The following KIAA1614 variants were observed in gnomAD, a reference collection of about 807,000 sequenced individuals.
KIAA1614 encodes KIAA1614, also known as uncharacterized protein KIAA1614.
In KIAA1614, 76 loss-of-function variants were observed where a neutral mutation model predicts 88.7. That is an observed-to-expected ratio of 0.86 (90% CI 0.71 to 1.04). The LOEUF is 1.04. Among genes scored for constraint, KIAA1614 ranks in the 50% least tolerant of loss-of-function variants. KIAA1614 has a pLI of 0.00. For missense variants in KIAA1614, 1,553 were observed against 1,582.5 expected, an observed-to-expected ratio of 0.98 and a Z score of 0.32; for synonymous variants, 714 against 675.5, an observed-to-expected ratio of 1.06 and a Z score of -0.88.
At chr1:180,917,688 G>C (rs1196508220) in intron 2 of KIAA1614, among the ~76,000 whole-genome samples, 163 bp from the exon 3 acceptor site, 6 of 152,174 alleles carry the variant, frequency 3.9e-5, no homozygotes, top group Admixed American at 2.0e-4. Context: ...GCCCACAGCA[G>C]TCATCGTGAC....
intron 5 of KIAA1614, among the ~76,000 whole-genome samples, chr1:180,938,010 G>A (rs1654370927): frequency 6.6e-6 from 1 of 152,214 alleles, no homozygotes; most frequent in African/African-American, 2.4e-5. Context: ...TCCATAAAGT[G>A]AGGACGATGA....
chr1:180,918,092 C>T (rs1021710854), intron 3 of KIAA1614, among the ~76,000 whole-genome samples, 178 bp downstream of exon 3: 44 of 152,186 alleles, frequency 2.9e-4, no homozygotes, highest in African/African-American at 9.2e-4. Context: ...TAACCCCCAC[C>T]GCCACATCCC....
At chr1:180,943,550 C>CTTTTTTTTTTTTTTTTTTTTTTTT (rs60128001) in intron 7 of KIAA1614, among the ~76,000 whole-genome samples, 5 of 98,218 alleles carry the variant, frequency 5.1e-5, no homozygotes, top group African/African-American at 2.1e-4. Context: ...GGTAGTAGAT[C>CTTTTTTTTTTTTTTTTTTTTTTTT]TTTTTTTTTT....
intron 7 of KIAA1614, among the ~76,000 whole-genome samples, chr1:180,941,960 C>T (rs542311962): frequency 1.0e-3 from 157 of 152,318 alleles, no homozygotes; most frequent in African/African-American, 3.6e-3. Context: ...CCCACCTTCC[C>T]CACCTGCAAA....
intron 3 of KIAA1614, among the ~76,000 whole-genome samples, chr1:180,922,903 C>T (rs1225596521): frequency 6.6e-6 from 1 of 152,330 alleles, no homozygotes; most frequent in African/African-American, 2.4e-5. Context: ...TTGCAAGTCC[C>T]AGGTTGTGAC....
chr1:180,920,806 G>A (rs1653936849), intron 3 of KIAA1614, among the ~76,000 whole-genome samples: 1 of 152,106 alleles, frequency 6.6e-6, no homozygotes, highest in Non-Finnish European at 1.5e-5. Context: ...AAAGGCTAAG[G>A]GTCAGATGCG....
At position 180,916,250 on chromosome 1, in the gene KIAA1614, C is replaced by A; in HGVS notation, c.147C>A (p.Pro49=). 6.2e-7 allele frequency: 1 copy of A among 1,613,622 alleles called. No homozygotes were observed. The change falls in exon 2 of 9, where the codon CCC becomes CCA. Residue 49 remains proline, a synonymous_variant. Coordinates refer to ENST00000367588, the MANE Select transcript of KIAA1614 (RefSeq NM_020950.2). ...GPEPQLDNGH[P]PRPWPCPQEN... ...AGCCACAGCTGGATAACGGACACCC[C>A]CCAAGACCCTGGCCTTGCCCTCAGG...
At chr1:180,919,699 C>G (rs531417776) in intron 3 of KIAA1614, among the ~76,000 whole-genome samples, 68 of 152,288 alleles carry the variant, frequency 4.5e-4, no homozygotes, top group African/African-American at 1.6e-3. Context: ...CCGTTGGATA[C>G]TAAGGAATAA....
At position 180,935,918 on chromosome 1, in the gene KIAA1614, G is replaced by C; in HGVS notation, c.2009G>C (p.Gly670Ala). ...AAGGCTGAGGCGGAGCTCCCTTGGG[G>C]CCTTCAGGCCCAGCAACACCTGCCT... ...SKKAEAELPW[G>A]LQAQQHLPRA... Residue 670 changes from glycine (G) to alanine (A), a missense_variant, in exon 5 of 9, where the codon GGC becomes GCC. Coordinates refer to ENST00000367588, the MANE Select transcript of KIAA1614 (RefSeq NM_020950.2). The surrounding 1 kb of genome is among the most constrained non-coding windows in gnomAD (Gnocchi z 6.1). 6.2e-7 allele frequency: 1 copy of C among 1,614,016 alleles called. No homozygotes were observed. The highest frequency in any genetic ancestry group is 1.6e-4 in the Middle Eastern group (1 of 6,062).
chr1:180,916,916 G>T lies in KIAA1614; in HGVS notation c.813G>T (p.Leu271=), dbSNP rs762331723. ...SEEVFVPRTA[L]LGERWRAGDL... Reference sequence around the variant, plus strand: ...AGGTCTTTGTCCCCAGGACGGCCCTGCTGGGTGAGCGCTGGAGAGCTGGAG... The same window carrying T: ...AGGTCTTTGTCCCCAGGACGGCCCTTCTGGGTGAGCGCTGGAGAGCTGGAG... Residue 271 remains leucine (L), a synonymous_variant, in exon 2 of 9, where the codon CTG becomes CTT. Transcript: ENST00000367588. 2 of 1,614,134 alleles carry T rather than the reference G, an allele frequency of 1.2e-6. No individual in the cohort carries two copies. Among genetic ancestry groups the T allele is most frequent in the Non-Finnish European group, 1.7e-6 (2 of 1,180,066 alleles).
At position 180,921,252 on chromosome 1, in the gene KIAA1614, TG is replaced by T; in HGVS notation, c.1061+3339del. Among the ~76,000 whole-genome samples, 3 of 152,258 alleles carry T rather than the reference TG, an allele frequency of 2.0e-5. No individual in the cohort carries two copies. The South Asian group carries it at 6.2e-4, about 32-fold the overall frequency. On this transcript the variant is annotated intron_variant, in intron 3 of 8. Coordinates refer to ENST00000367588, the MANE Select transcript of KIAA1614 (RefSeq NM_020950.2). ...ACAAGGTGCTCAGTGGAGGAGATTT[TG>T]AGCCAGAAGAAGGAATTTCACAAGG...
At position 180,936,684 on chromosome 1, in the gene KIAA1614, G is replaced by C; in HGVS notation, c.2761+14G>C. On this transcript the variant is annotated intron_variant, in intron 5 of 8. Coordinates refer to ENST00000367588, the MANE Select transcript of KIAA1614 (RefSeq NM_020950.2). Reference sequence around the variant, plus strand: ...ACAGCAGAGATGGTAAGGGGCTGCCGCTGGTTCCTGCCCAGCCCAGGCCTG... The same window carrying C: ...ACAGCAGAGATGGTAAGGGGCTGCCCCTGGTTCCTGCCCAGCCCAGGCCTG... 6.9e-7 allele frequency: 1 copy of C among 1,459,228 alleles called. No homozygotes were observed. Among genetic ancestry groups the C allele is most frequent in the Non-Finnish European group, 9.1e-7 (1 of 1,103,454 alleles). 90.4% of individuals were successfully genotyped at this position (1,459,228 alleles called of 1,614,324 possible).
rs773002083 is a variant in KIAA1614, at chr1:180,935,137, C to T, written c.1228C>T (p.Arg410Trp). 4.8e-6 allele frequency: 7 copies of T among 1,444,318 alleles called. No individual in the cohort carries two copies. In the Admixed American group the frequency reaches 1.7e-4, roughly 35 times the overall value. The allele number at this position is 1,444,318 out of a possible 1,614,324, so 89.5% of individuals were successfully genotyped here. ...CAGAGATGGCCACAGAAGCCCAGCCCGGGACCCCAGGACGACCCCTGCCTG... is the reference window on the plus strand; with the variant it reads ...CAGAGATGGCCACAGAAGCCCAGCCTGGGACCCCAGGACGACCCCTGCCTG... ...GSRDGHRSPARDPRTTPACRD... is the reference protein window; with the variant it reads ...GSRDGHRSPAWDPRTTPACRD... The change falls in exon 5 of 9, where the codon CGG becomes TGG. Residue 410 changes from arginine to tryptophan, a missense_variant. Arg to Trp is a moderately radical substitution (Grantham distance 101, BLOSUM62 -3). Coordinates refer to ENST00000367588, the MANE Select transcript of KIAA1614 (RefSeq NM_020950.2). This position sits in a 1 kb window ranked among gnomAD's most constrained non-coding sequence, Gnocchi z 6.1.
At position 180,935,487 on chromosome 1, in the gene KIAA1614, A is replaced by G; in HGVS notation, c.1578A>G (p.Ala526=). 6.7e-7 allele frequency: 1 copy of G among 1,485,396 alleles called. No homozygotes were observed. The allele number at this position is 1,485,396 out of a possible 1,614,324, so 92.0% of individuals were successfully genotyped here. A position where few individuals can be genotyped will look rare whatever the true frequency, so the allele number is the denominator to read the frequency against. The change falls in exon 5 of 9, where the codon GCA becomes GCG. Residue 526 remains alanine (A), a synonymous_variant. Transcript: ENST00000367588. The surrounding 1 kb of genome is among the most constrained non-coding windows in gnomAD (Gnocchi z 6.1). The part of the protein sequence containing the change: ...VGSLDRRGHP[A]PPAPGSERRC... The stretch of plus-strand genomic sequence containing the variant: ...GCCTGGACCGCAGGGGACACCCGGC[A>G]CCGCCGGCACCGGGCAGCGAGAGGA...
In KIAA1614 at chr1:180,946,961, T is replaced by C. The variant is rs978424741; in HGVS notation, c.*1373T>C. On this transcript the variant is annotated 3_prime_UTR_variant, in exon 9 of 9. Coordinates refer to ENST00000367588, the MANE Select transcript of KIAA1614 (RefSeq NM_020950.2). ...CTTGTTATGTATAATGTGCTACGTA[T>C]GTCAGATGGTGAAAAGAAAGTTCTG... The C allele has an allele frequency of 6.6e-6, 1 of 152,288 alleles. No individual in the cohort carries two copies. The highest frequency in any genetic ancestry group is 1.5e-5 in the Non-Finnish European group (1 of 68,070). The allele number at this position is 152,288 out of a possible 1,614,324, so 9.4% of individuals were successfully genotyped here. A position where few individuals can be genotyped will look rare whatever the true frequency, so the allele number is the denominator to read the frequency against.
chr1:180,932,529 C>T (rs376219692), intron 4 of KIAA1614, among the ~76,000 whole-genome samples: 14 of 152,104 alleles, frequency 9.2e-5, no homozygotes, highest in East Asian at 7.7e-4. Flanking sequence ...CCATATTGTG[C>T]GTCCTTGGCA....
chr1:180,950,407 C>A lies in KIAA1614; in HGVS notation c.*4819C>A. Reference sequence around the variant, plus strand: ...TGTACTCAGGGCTGCTGGGGGTGGGCGATGAGATCCTCGAGGTGAACGGGG... The same window carrying A: ...TGTACTCAGGGCTGCTGGGGGTGGGAGATGAGATCCTCGAGGTGAACGGGG... On this transcript the variant is annotated 3_prime_UTR_variant, in exon 9 of 9. Transcript: ENST00000367588. 1 of 1,228,222 alleles carries A rather than the reference C, an allele frequency of 8.1e-7. No homozygotes were observed. The highest frequency in any genetic ancestry group is 1.0e-6 in the Non-Finnish European group (1 of 957,408). The allele number at this position is 1,228,222 out of a possible 1,614,324, so 76.1% of individuals were successfully genotyped here.
chr1:180,925,093 A>G (rs1455606188), intron 3 of KIAA1614, among the ~76,000 whole-genome samples: 1 of 151,814 alleles, frequency 6.6e-6, no homozygotes, highest in Non-Finnish European at 1.5e-5. Flanking sequence ...TTAGAACCCC[A>G]GGCAGGCTGC....
intron 3 of KIAA1614, among the ~76,000 whole-genome samples, chr1:180,921,376 G>T (rs1381941909): frequency 2.0e-5 from 3 of 152,150 alleles, no homozygotes; most frequent in Admixed American, 2.0e-4. Flanking sequence ...AGGTCACAGG[G>T]GATACGATGG....
Sources: gnomAD v4.1 joint callset for allele counts (sites outside exome capture counted in the v4.1 genomes callset) on GRCh38, gnomAD v4.1.1 for gene constraint, Gnocchi (gnomAD v3.1) non-coding constraint, MANE v1.5 for transcripts, NCBI Gene and HGNC (gene_info 2026-07-23, HGNC 2026-07-21) for gene names.